ATXN1: variants seen among roughly 807,000 people sequenced by gnomAD.
The protein encoded by ATXN1 is ataxin 1.
ATXN1 carries 8 observed loss-of-function variants against 56.4 expected under a neutral mutation model. The observed-to-expected ratio is 0.14, with a 90% CI of 0.08 to 0.26. ATXN1 has a LOEUF of 0.26. ATXN1 is among the 10% of genes least tolerant of loss of function. The probability of loss-of-function intolerance (pLI) is 1.00; values close to 1 mark genes in which losing one functional copy is unlikely to be tolerated. For synonymous variants in ATXN1, 514 were observed against 494.6 expected (o/e 1.04, Z -0.52); for missense variants, 987 against 1,106.5 (o/e 0.89, Z 1.53).
intron 3 of ATXN1, among the ~76,000 whole-genome samples, chr6:16,656,820 C>T (rs1007931438): frequency 2.0e-5 from 3 of 152,118 alleles, no homozygotes; most frequent in Non-Finnish European, 2.9e-5. Flanking sequence ...CCCTACTACA[C>T]GCCTGCGCTA....
At chr6:16,493,258 C>T (rs74817128) in intron 5 of ATXN1, among the ~76,000 whole-genome samples, 1,725 of 152,286 alleles carry the variant, frequency 0.011, 16 homozygotes, top group Middle Eastern at 0.065. Flanking sequence ...GCATGCTTTT[C>T]CAACTTCATT....
intron 2 of ATXN1, among the ~76,000 whole-genome samples, chr6:16,669,801 A>G (rs927630525): frequency 6.6e-6 from 1 of 151,900 alleles, no homozygotes; most frequent in African/African-American, 2.4e-5. Context: ...TTAAGCCCCA[A>G]ATGCATTAGG....
rs760451908 is a variant in ATXN1, at chr6:16,327,512, G to A, written c.799C>T (p.Pro267Ser). 2 of 1,612,622 alleles carry A rather than the reference G, an allele frequency of 1.2e-6. No individual in the cohort carries two copies. The highest frequency in any genetic ancestry group is 1.7e-5 in the Admixed American group (1 of 59,914). The change falls in exon 7 of 8, where the codon CCC becomes TCC. Residue 267 changes from proline to serine, a missense_variant. By Grantham distance (74) the Pro-to-Ser change is moderately conservative. Around this residue, in one of 3 missense-constraint regions of ATXN1, gnomAD observed 723 missense variants for 791.7 expected, o/e 0.91. Coordinates refer to ENST00000436367, the MANE Select transcript of ATXN1 (RefSeq NM_001128164.2). ...TGRTASPPAI[P>S]VHLHPHQTMI... ...GTCTGGTGGGGGTGGAGGTGGACGGGGATGGCCGGAGGAGAGGCGGTGCGG... is the reference window on the plus strand; with the variant it reads ...GTCTGGTGGGGGTGGAGGTGGACGGAGATGGCCGGAGGAGAGGCGGTGCGG...
At chr6:16,716,710 C>T (rs1759649195) in intron 2 of ATXN1, among the ~76,000 whole-genome samples, 1 of 152,204 alleles carries the variant, frequency 6.6e-6, no homozygotes, top group African/African-American at 2.4e-5. Context: ...TGACTCAAAT[C>T]AAATTCTGCC....
At chr6:16,460,534 C>T (rs1759971994) in intron 6 of ATXN1, among the ~76,000 whole-genome samples, 1 of 152,172 alleles carries the variant, frequency 6.6e-6, no homozygotes, top group African/African-American at 2.4e-5. Flanking sequence ...CAGAAAACCA[C>T]CTACTCAGGT....
At chr6:16,330,462 T>C (rs1477221146) in intron 6 of ATXN1, among the ~76,000 whole-genome samples, 2 of 149,840 alleles carry the variant, frequency 1.3e-5, no homozygotes, top group East Asian at 3.9e-4. Flanking sequence ...TGATCTCGGC[T>C]TGCTGCAACC....
intron 3 of ATXN1, among the ~76,000 whole-genome samples, chr6:16,611,546 T>A (rs1381872366): frequency 6.6e-6 from 1 of 152,156 alleles, no homozygotes; most frequent in African/African-American, 2.4e-5. Context: ...CCTTAGACTA[T>A]CTGCAAGAAA....
intron 2 of ATXN1, among the ~76,000 whole-genome samples, chr6:16,691,193 T>C (rs113121741): frequency 8.1e-4 from 124 of 152,314 alleles, no homozygotes; most frequent in African/African-American, 2.8e-3. Flanking sequence ...CCCAAATCAT[T>C]ATTTGCTCCT....
intron 6 of ATXN1, among the ~76,000 whole-genome samples, chr6:16,468,674 T>C (rs1760156774): frequency 6.6e-6 from 1 of 152,170 alleles, no homozygotes. Flanking sequence ...GCAAAGCAAA[T>C]TAGCCAAAAG....
intron 3 of ATXN1, among the ~76,000 whole-genome samples, chr6:16,654,713 A>T (rs1458034431): frequency 6.6e-6 from 1 of 152,164 alleles, no homozygotes; most frequent in East Asian, 1.9e-4. Context: ...TCAGCATGAC[A>T]AAGTGGCCAT....
At chr6:16,505,707 G>A (rs1319957051) in intron 5 of ATXN1, among the ~76,000 whole-genome samples, 3 of 152,130 alleles carry the variant, frequency 2.0e-5, no homozygotes, top group African/African-American at 4.8e-5. Flanking sequence ...CCGTGTACAC[G>A]GTTATGAGGC....
chr6:16,419,190 C>G (rs1758978491), intron 6 of ATXN1, among the ~76,000 whole-genome samples: 3 of 152,182 alleles, frequency 2.0e-5, no homozygotes, highest in Admixed American at 1.3e-4. Flanking sequence ...CTCAAGTGAT[C>G]CTCCTGCCTC....
intron 3 of ATXN1, among the ~76,000 whole-genome samples, chr6:16,638,987 C>T (rs1044484645): frequency 2.6e-5 from 4 of 152,192 alleles, no homozygotes; most frequent in African/African-American, 9.7e-5. Flanking sequence ...ACTTTTCTGT[C>T]TTACAAGGGG....
intron 6 of ATXN1, among the ~76,000 whole-genome samples, chr6:16,329,443 C>T (rs1025247689): frequency 6.6e-6 from 1 of 152,036 alleles, no homozygotes; most frequent in Non-Finnish European, 1.5e-5. Flanking sequence ...CAGCAGAGGC[C>T]GCCAGAAATA....
chr6:16,394,066 G>T (rs1758407973), intron 6 of ATXN1, among the ~76,000 whole-genome samples: 1 of 152,064 alleles, frequency 6.6e-6, no homozygotes, highest in South Asian at 2.1e-4. Flanking sequence ...TGAAATACTG[G>T]TTTCTTTGGC....
At chr6:16,396,575 A>C (rs756272657) in intron 6 of ATXN1, among the ~76,000 whole-genome samples, 53 of 152,204 alleles carry the variant, frequency 3.5e-4, no homozygotes, top group Non-Finnish European at 4.6e-4. Context: ...GAGCGTGGTT[A>C]ATTTATTATC....
intron 5 of ATXN1, among the ~76,000 whole-genome samples, chr6:16,514,645 G>A (rs1236408051): frequency 6.6e-6 from 1 of 152,132 alleles, no homozygotes. Flanking sequence ...AGATACTCAC[G>A]TGGGCATATC....
In ATXN1 at chr6:16,643,562, G is replaced by A. The variant is rs533195844; in HGVS notation, c.-489+14214C>T. 3.4e-5 allele frequency among the ~76,000 whole-genome samples: 5 copies of A among 148,556 alleles called. No homozygotes were observed. The East Asian group carries it at 8.0e-4, about 24-fold the overall frequency. On this transcript the variant is annotated intron_variant, in intron 3 of 7. Coordinates refer to ENST00000436367, the MANE Select transcript of ATXN1 (RefSeq NM_001128164.2). ...GAAGATCACTTGAGGCCCGGAGGTCGAGGCTGCAGTGAGCTGAGATTGCAC... is the reference window on the plus strand; with the variant it reads ...GAAGATCACTTGAGGCCCGGAGGTCAAGGCTGCAGTGAGCTGAGATTGCAC...
chr6:16,701,907 GC>G (rs1333906496), intron 2 of ATXN1, among the ~76,000 whole-genome samples: 1 of 152,158 alleles, frequency 6.6e-6, no homozygotes, highest in Non-Finnish European at 1.5e-5. Flanking sequence ...TGGCCATACT[GC>G]CCAAGGTAAT....
Sources: gnomAD v4.1 joint callset for allele counts (sites outside exome capture counted in the v4.1 genomes callset) on GRCh38, gnomAD v4.1.1 for gene constraint, gnomAD v4.1.1 regional missense constraint, MANE v1.5 for transcripts, NCBI Gene and HGNC (gene_info 2026-07-23, HGNC 2026-07-21) for gene names.